The following SLC4A7 variants were observed in gnomAD, a reference collection of about 807,000 sequenced individuals.
SLC4A7 encodes the protein solute carrier family 4 member 7.
A neutral mutation model predicts 137.6 loss-of-function variants in SLC4A7; 51 were observed. The observed-to-expected ratio is 0.37, with a 90% CI of 0.30 to 0.47. SLC4A7 has a LOEUF of 0.47. Ranked by LOEUF, SLC4A7 falls within the 20% of genes least tolerant of loss-of-function variation. SLC4A7 has a pLI of 1.00. For synonymous variants in SLC4A7, 542 were observed against 518.6 expected, an observed-to-expected ratio of 1.05 and a Z score of -0.61; for missense variants, 1,247 against 1,525.4, an observed-to-expected ratio of 0.82 and a Z score of 3.04.
intron 11 of SLC4A7, among the ~76,000 whole-genome samples, chr3:27,415,154 A>G (rs1277904375): frequency 6.6e-6 from 1 of 152,166 alleles, no homozygotes; most frequent in Non-Finnish European, 1.5e-5. Context: ...CTTGGGTGCA[A>G]GTAGACCACT....
chr3:27,427,816 C>T (rs1489457535), intron 7 of SLC4A7, among the ~76,000 whole-genome samples: 1 of 152,202 alleles, frequency 6.6e-6, no homozygotes, highest in Non-Finnish European at 1.5e-5. Flanking sequence ...TCTCTCCTCT[C>T]CACTCTAATT....
intron 1 of SLC4A7, among the ~76,000 whole-genome samples, chr3:27,469,204 G>A (rs2150690301): frequency 6.6e-6 from 1 of 152,224 alleles, no homozygotes; most frequent in Non-Finnish European, 1.5e-5. Flanking sequence ...CATCACCGTA[G>A]AAGATGACTT....
chr3:27,385,165 T>G (rs1264727502), intron 23 of SLC4A7, among the ~76,000 whole-genome samples: 1 of 152,162 alleles, frequency 6.6e-6, no homozygotes. Flanking sequence ...TTCTTATCTT[T>G]GATTTTCAAA....
intron 1 of SLC4A7, among the ~76,000 whole-genome samples, chr3:27,483,027 T>C (rs1333513076): frequency 6.6e-6 from 1 of 152,148 alleles, no homozygotes; most frequent in African/African-American, 2.4e-5. Context: ...AATAAAAACA[T>C]AGGAGAAGTA....
intron 19 of SLC4A7, 81 bp downstream of exon 19, chr3:27,394,873 A>G (rs970793907): frequency 6.5e-7 from 1 of 1,537,030 alleles, no homozygotes; most frequent in Non-Finnish European, 8.8e-7. Flanking sequence ...TTCATCTTAC[A>G]TCTTTTAATG....
chr3:27,421,863 A>G, intron 8 of SLC4A7, 84 bp from the exon 9 acceptor site: 1 of 961,456 alleles, frequency 1.0e-6, no homozygotes, highest in South Asian at 1.8e-5. Context: ...ACTGCTTTAT[A>G]AGACTACTAT....
chr3:27,463,250 AC>A (rs1311788190), intron 1 of SLC4A7, among the ~76,000 whole-genome samples: 4 of 152,168 alleles, frequency 2.6e-5, no homozygotes, highest in Non-Finnish European at 5.9e-5. Flanking sequence ...ACACGGTGAA[AC>A]CCCGTCTCTA....
intron 6 of SLC4A7, 31 bp from the exon 7 acceptor site, chr3:27,431,700 G>A (rs1216676237): frequency 4.0e-6 from 6 of 1,499,256 alleles, no homozygotes; most frequent in East Asian, 2.3e-5. Context: ...GAAAAATGAT[G>A]AAGTCCACTG....
chr3:27,439,899 T>A (rs1356400538), intron 3 of SLC4A7, among the ~76,000 whole-genome samples: 1 of 152,240 alleles, frequency 6.6e-6, no homozygotes, highest in Non-Finnish European at 1.5e-5. Flanking sequence ...TAAGGAAGTT[T>A]CCTGCTATTC....
chr3:27,406,123 G>A (rs2053322939), intron 13 of SLC4A7, among the ~76,000 whole-genome samples: 1 of 152,242 alleles, frequency 6.6e-6, no homozygotes. Flanking sequence ...AACAGGCAAA[G>A]AGGAGGGCTT....
rs1000569124 is a variant in SLC4A7, at chr3:27,373,773, C to T, written c.*2991G>A. On this transcript the variant is annotated 3_prime_UTR_variant, in exon 26 of 26. Coordinates refer to ENST00000454389, the MANE Select transcript of SLC4A7 (RefSeq NM_001321103.2). Reference sequence around the variant, plus strand: ...AATTTAAGTACGTGGAAGAAATAAACTTTTTTGGATGAAGAAAACAAGTTA... The same window carrying T: ...AATTTAAGTACGTGGAAGAAATAAATTTTTTTGGATGAAGAAAACAAGTTA... The T allele has an allele frequency of 6.6e-6, 1 of 152,468 alleles. No homozygotes were observed. Among genetic ancestry groups the T allele is most frequent in the Admixed American group, 6.5e-5 (1 of 15,278 alleles). The allele number at this position is 152,468 out of a possible 1,614,324, so 9.4% of individuals were successfully genotyped here.
intron 1 of SLC4A7, among the ~76,000 whole-genome samples, chr3:27,455,644 G>A (rs565784010): frequency 5.1e-4 from 73 of 143,324 alleles, no homozygotes; most frequent in African/African-American, 1.8e-3. Context: ...TTGGGAGGCC[G>A]AAGCAGGCAG....
chr3:27,471,425 G>C (rs773029920), intron 1 of SLC4A7, among the ~76,000 whole-genome samples: 1 of 152,098 alleles, frequency 6.6e-6, no homozygotes, highest in Admixed American at 6.5e-5. Flanking sequence ...TTTTTGAGAC[G>C]GAGTTTCACA....
intron 23 of SLC4A7, among the ~76,000 whole-genome samples, chr3:27,384,694 G>T (rs1157130100): frequency 6.6e-6 from 1 of 152,128 alleles, no homozygotes; most frequent in Admixed American, 6.5e-5. Context: ...CAGGCACAGT[G>T]GCTCACGTCT....
chr3:27,456,424 T>C (rs979163211), intron 1 of SLC4A7, among the ~76,000 whole-genome samples: 3 of 152,224 alleles, frequency 2.0e-5, no homozygotes, highest in Non-Finnish European at 2.9e-5. Context: ...TCAAGTAATA[T>C]TAACTATCCA....
intron 1 of SLC4A7, among the ~76,000 whole-genome samples, chr3:27,453,384 G>A (rs2058207168): frequency 6.6e-6 from 1 of 152,176 alleles, no homozygotes; most frequent in Non-Finnish European, 1.5e-5. Context: ...GGAGGCCAAG[G>A]TGGGCAGATC....
At chr3:27,447,021 T>C (rs935816506) in intron 3 of SLC4A7, among the ~76,000 whole-genome samples, 3 of 151,402 alleles carry the variant, frequency 2.0e-5, no homozygotes, top group African/African-American at 7.3e-5. Context: ...TAGGTGGGAT[T>C]ACAGGTGCCC....
At position 27,404,974 on chromosome 3, in the gene SLC4A7, A is replaced by G. The variant is rs777736755; in HGVS notation, c.1942-11T>C. 6 of 1,552,072 alleles carry G rather than the reference A, an allele frequency of 3.9e-6. No individual in the cohort carries two copies. The highest frequency in any genetic ancestry group is 2.6e-6 in the Non-Finnish European group (3 of 1,156,440). On this transcript the variant is annotated splice_polypyrimidine_tract_variant and intron_variant, in intron 13 of 25. Coordinates refer to ENST00000454389, the MANE Select transcript of SLC4A7 (RefSeq NM_001321103.2). ...AGACTCTATTGCACTCTGTTTAAGG[A>G]AAAAAGAAATGAATAAAAGCAATAC...
At chr3:27,406,867 A>G (rs2053416107) in intron 13 of SLC4A7, among the ~76,000 whole-genome samples, 1 of 152,158 alleles carries the variant, frequency 6.6e-6, no homozygotes. Context: ...AACTACAGAG[A>G]GCTGAGATCA....
Sources: gnomAD v4.1 joint callset for allele counts (sites outside exome capture counted in the v4.1 genomes callset) on GRCh38, gnomAD v4.1.1 for gene constraint, MANE v1.5 for transcripts, NCBI Gene and HGNC (gene_info 2026-07-23, HGNC 2026-07-21) for gene names.